Variants in DCAF7 observed in about 807,000 individuals in gnomAD.
The protein encoded by DCAF7 is DDB1 and CUL4 associated factor 7, also known as DDB1- and CUL4-associated factor 7.
DCAF7 carries 4 observed loss-of-function variants against 41.2 expected under a neutral mutation model. The observed-to-expected ratio is 0.10, with a 90% confidence interval of 0.05 to 0.22. The LOEUF (loss-of-function observed/expected upper bound fraction) is 0.22. Ranked by LOEUF, DCAF7 falls within the 10% of genes least tolerant of loss-of-function variation. The pLI, the probability that DCAF7 is intolerant of heterozygous loss-of-function variation, is 1.00. For synonymous variants in DCAF7, 143 were observed against 164.2 expected (o/e 0.87, Z 0.99); for missense variants, 131 against 443.2 (o/e 0.30, Z 6.32).
chr17:63,565,746 T>TA (rs1447920690), intron 1 of DCAF7, among the ~76,000 whole-genome samples: 3 of 152,208 alleles, frequency 2.0e-5, no homozygotes, highest in African/African-American at 7.2e-5. Context: ...TTGGTCCATG[T>TA]AAGTGCTCAG....
intron 3 of DCAF7, 133 bp downstream of exon 3, chr17:63,579,581 T>G: frequency 2.8e-6 from 2 of 712,334 alleles, no homozygotes; most frequent in Non-Finnish European, 4.7e-6. Flanking sequence ...GGTTATTTAT[T>G]AATTCCTTTG....
In DCAF7 at chr17:63,594,160, T is replaced by C. The variant is rs1037063316; in HGVS notation, c.*4988T>C. On this transcript the variant is annotated 3_prime_UTR_variant, in exon 7 of 7. Coordinates refer to ENST00000614556, the MANE Select transcript of DCAF7 (RefSeq NM_005828.5). ...CTATGACTTTCTATTTCTTGTTTCC[T>C]AAGTAAATTAAACCTAATTTTCACC... 6 of 152,680 alleles carry C rather than the reference T, an allele frequency of 3.9e-5. No homozygotes were observed. The highest frequency in any genetic ancestry group is 1.4e-4 in the African/African-American group (6 of 41,458). The allele number at this position is 152,680 out of a possible 1,614,324, so 9.5% of individuals were successfully genotyped here.
In DCAF7 at chr17:63,550,531, T is replaced by G; in HGVS notation, c.-147T>G. 2 of 1,300,344 alleles carry G rather than the reference T, an allele frequency of 1.5e-6. No homozygotes were observed. Among genetic ancestry groups the G allele is most frequent in the South Asian group, 3.1e-5 (2 of 64,422 alleles). The allele number at this position is 1,300,344 out of a possible 1,614,324, so 80.6% of individuals were successfully genotyped here. On this transcript the variant is annotated 5_prime_UTR_variant, in exon 1 of 7. Coordinates refer to ENST00000614556, the MANE Select transcript of DCAF7 (RefSeq NM_005828.5). This position sits in a 1 kb window ranked among gnomAD's most constrained non-coding sequence, Gnocchi z 4.8. The stretch of plus-strand genomic sequence containing the variant: ...AGGGGTCGGGCTCGGCCGTCGTCGT[T>G]GTTTGTCGCCGCATCCCCGCTTCCG...
At chr17:63,584,014 G>T (rs531431697) in intron 5 of DCAF7, among the ~76,000 whole-genome samples, 2 of 152,198 alleles carry the variant, frequency 1.3e-5, no homozygotes, top group Admixed American at 6.5e-5. Flanking sequence ...AGAATTACTT[G>T]TTAAGAACTT....
At position 63,550,578 on chromosome 17, in the gene DCAF7, C is replaced by T; in HGVS notation, c.-100C>T. 1.3e-6 allele frequency: 2 copies of T among 1,523,188 alleles called. No individual in the cohort carries two copies. The highest frequency in any genetic ancestry group is 4.6e-5 in the East Asian group (2 of 43,632). The allele number at this position is 1,523,188 out of a possible 1,614,324, so 94.4% of individuals were successfully genotyped here. A position where few individuals can be genotyped will look rare whatever the true frequency, so the allele number is the denominator to read the frequency against. On this transcript the variant is annotated 5_prime_UTR_variant, in exon 1 of 7. Coordinates refer to ENST00000614556, the MANE Select transcript of DCAF7 (RefSeq NM_005828.5). This position sits in a 1 kb window ranked among gnomAD's most constrained non-coding sequence, Gnocchi z 4.8. ...TCCGGGTTAGGCCGTTCCTGCCCGC[C>T]CCCTCCTCTCCTCCCTTCGGACCCA...
At chr17:63,588,360 ATTT>A (rs766903512) in intron 6 of DCAF7, among the ~76,000 whole-genome samples, 2 of 120,224 alleles carry the variant, frequency 1.7e-5, no homozygotes. Context: ...GCTAATTTGT[ATTT>A]TTTTTTTTTT....
chr17:63,593,390 G>A lies in DCAF7; in HGVS notation c.*4218G>A, dbSNP rs1262081870. On this transcript the variant is annotated 3_prime_UTR_variant, in exon 7 of 7. Transcript: ENST00000614556. The stretch of plus-strand genomic sequence containing the variant: ...TGTGTGGCCACATGGGATGGGCCAG[G>A]TCCTCTCAGGCTACTTTCTGGATGT... The A allele has an allele frequency of 1.3e-5, 2 of 152,674 alleles. No individual in the cohort carries two copies. Among genetic ancestry groups the A allele is most frequent in the East Asian group, 3.8e-4 (2 of 5,202 alleles). 9.5% of individuals were successfully genotyped at this position (152,674 alleles called of 1,614,324 possible).
chr17:63,567,826 A>T (rs1233094963), intron 1 of DCAF7, among the ~76,000 whole-genome samples: 1 of 150,412 alleles, frequency 6.6e-6, no homozygotes, highest in African/African-American at 2.4e-5. Flanking sequence ...CACCTGGCTA[A>T]TTTTTTTTTA....
At chr17:63,579,510 TCACA>T in intron 3 of DCAF7, 62 bp downstream of exon 3, 1 of 1,235,178 alleles carries the variant, frequency 8.1e-7, no homozygotes, top group Non-Finnish European at 1.2e-6. Flanking sequence ...TTCTCAGATG[TCACA>T]CTGGGCCATA....
chr17:63,583,307 A>G (rs1301644520), intron 4 of DCAF7, among the ~76,000 whole-genome samples, 195 bp from the exon 5 acceptor site: 1 of 152,214 alleles, frequency 6.6e-6, no homozygotes, highest in Non-Finnish European at 1.5e-5. Context: ...CTATAGCAGA[A>G]TGATCTTCCA....
At position 63,550,909 on chromosome 17, in the gene DCAF7, C is replaced by A; in HGVS notation, c.138+94C>A. The A allele has an allele frequency of 2.0e-6, 3 of 1,516,730 alleles. No homozygotes were observed. The South Asian group carries it at 3.7e-5, about 19-fold the overall frequency. The allele number at this position is 1,516,730 out of a possible 1,614,324, so 94.0% of individuals were successfully genotyped here. On this transcript the variant is annotated intron_variant, in intron 1 of 6. Transcript: ENST00000614556. This position sits in a 1 kb window ranked among gnomAD's most constrained non-coding sequence, Gnocchi z 4.8. ...GAGCCCAGGCCTCAGAACCCTCTTG[C>A]GGACTCGCCCTAGGGCCACGGAGCG...
intron 1 of DCAF7, among the ~76,000 whole-genome samples, chr17:63,573,730 CAA>C (rs60576809): frequency 9.2e-4 from 104 of 112,448 alleles, no homozygotes; most frequent in African/African-American, 2.9e-3. Context: ...AAATCCGTCT[CAA>C]AAAAAAAAAA....
intron 6 of DCAF7, among the ~76,000 whole-genome samples, chr17:63,586,532 G>A (rs549221245): frequency 4.6e-5 from 7 of 152,190 alleles, no homozygotes; most frequent in African/African-American, 7.2e-5. Flanking sequence ...TTGGGAGGCC[G>A]AGGCAGGTGG....
At chr17:63,575,473 G>T (rs1209678593) in intron 1 of DCAF7, among the ~76,000 whole-genome samples, 2 of 152,196 alleles carry the variant, frequency 1.3e-5, no homozygotes, top group African/African-American at 4.8e-5. Flanking sequence ...GGCGAGACAG[G>T]CAGATCACTT....
chr17:63,571,089 G>A (rs2033501980), intron 1 of DCAF7, among the ~76,000 whole-genome samples: 1 of 152,072 alleles, frequency 6.6e-6, no homozygotes, highest in Admixed American at 6.6e-5. Context: ...AGGAGGCTGA[G>A]GCAAGAGAAT....
chr17:63,580,007 T>A, intron 4 of DCAF7, 64 bp downstream of exon 4: 2 of 1,228,212 alleles, frequency 1.6e-6, no homozygotes, highest in Non-Finnish European at 2.4e-6. Flanking sequence ...CAGGAAGAGG[T>A]CAGCTTGTTC....
intron 1 of DCAF7, among the ~76,000 whole-genome samples, chr17:63,557,409 TGA>T (rs2033322328): frequency 6.6e-6 from 1 of 151,952 alleles, no homozygotes; most frequent in African/African-American, 2.4e-5. Context: ...CTTGGGACAC[TGA>T]GGCAGGAGAC....
intron 1 of DCAF7, among the ~76,000 whole-genome samples, chr17:63,553,087 A>G (rs1248964657): frequency 1.6e-4 from 24 of 152,230 alleles, no homozygotes. Flanking sequence ...ATAGAATTAC[A>G]AAAGAAACCA....
chr17:63,554,750 G>A (rs1324678409), intron 1 of DCAF7, among the ~76,000 whole-genome samples: 1 of 152,212 alleles, frequency 6.6e-6, no homozygotes, highest in African/African-American at 2.4e-5. Context: ...ATATAGAGAT[G>A]TTAGCTGTTA....
Sources: allele counts gnomAD v4.1 joint callset (sites outside exome capture counted in the v4.1 genomes callset), GRCh38; gene constraint gnomAD v4.1.1; non-coding constraint Gnocchi (gnomAD v3.1); transcripts MANE v1.5; gene names NCBI Gene and HGNC (gene_info 2026-07-23, HGNC 2026-07-21).